The following NFKBID variants were observed in gnomAD, a reference collection of about 807,000 sequenced individuals.
The protein encoded by NFKBID is NFKB inhibitor delta.
In NFKBID, 26 loss-of-function variants were observed where a neutral mutation model predicts 53.4. That is an observed-to-expected ratio of 0.49 (90% CI 0.36 to 0.68). The LOEUF (loss-of-function observed/expected upper bound fraction) is 0.68, where lower values mean the gene tolerates loss of function less well. Ranked by LOEUF, NFKBID falls within the 30% of genes least tolerant of loss-of-function variation. The pLI is 0.00. For missense variants in NFKBID, 493 were observed against 614.1 expected (o/e 0.80, Z 2.08); for synonymous variants, 262 against 259.8 (o/e 1.01, Z -0.08).
At chr19:35,889,808 C>T (rs187746625) in intron 11 of NFKBID, 82 bp downstream of exon 11, 9 of 1,379,318 alleles carry the variant, frequency 6.5e-6, no homozygotes, top group Admixed American at 6.3e-5. Context: ...TCTCTGAAAG[C>T]GAGCATTGGG....
intron 9 of NFKBID, among the ~76,000 whole-genome samples, chr19:35,895,530 G>A (rs933726499): frequency 2.1e-5 from 3 of 144,638 alleles, no homozygotes; most frequent in African/African-American, 2.6e-5. Context: ...TGCTGGGCGC[G>A]GTGGCTCACG....
upstream of NFKBID, chr19:35,900,708 A>T: frequency 8.7e-7 from 1 of 1,145,318 alleles, no homozygotes; most frequent in Non-Finnish European, 1.1e-6. Flanking sequence ...TCCCCCCGGG[A>T]AGGAGGGAGC....
At chr19:35,890,256 T>A in intron 10 of NFKBID, 118 bp downstream of exon 10, 1 of 861,590 alleles carries the variant, frequency 1.2e-6, no homozygotes, top group South Asian at 1.5e-5. Flanking sequence ...TCCTATACTT[T>A]CCCCTGCAGA....
In NFKBID at chr19:35,892,883, T is replaced by A. The variant is rs190874898; in HGVS notation, c.1033-2393A>T. On this transcript the variant is annotated intron_variant, in intron 9 of 11. Coordinates refer to ENST00000641389, the Ensembl canonical transcript of NFKBID. Reference sequence around the variant, plus strand: ...TCTTTTCTTATTAAAACATTATAGGTAGCTGGGCACAGCAGCTCACGCCTG... The same window carrying A: ...TCTTTTCTTATTAAAACATTATAGGAAGCTGGGCACAGCAGCTCACGCCTG... 3.8e-3 allele frequency among the ~76,000 whole-genome samples: 574 copies of A among 152,290 alleles called. 1 individual carries two copies. Among genetic ancestry groups the A allele is most frequent in the Non-Finnish European group, 6.6e-3 (450 of 68,022 alleles).
At chr19:35,895,898 C>A in intron 9 of NFKBID, 82 bp downstream of exon 9, 1 of 1,333,922 alleles carries the variant, frequency 7.5e-7, no homozygotes, top group Non-Finnish European at 1.1e-6. Context: ...GCAAAGTCAG[C>A]ATTTGCCTGG....
chr19:35,901,945 T>C, upstream of NFKBID: 1 of 535,360 alleles, frequency 1.9e-6, no homozygotes, highest in Non-Finnish European at 3.3e-6. Flanking sequence ...TCTTCCCCCA[T>C]TCAGTGTGTG....
rs765614920 is a variant in NFKBID, at chr19:35,896,465, G to T, written c.758C>A (p.Pro253His). ...ACGTCCCTGATGGTCAGCGGCATTG[G>T]GCTCTGCTCCCAGGTTCAACAGATC... The change falls in exon 7 of 12, where the codon CCC (proline) becomes CAC (histidine). Residue 253 changes from proline (P) to histidine (H), a missense_variant. Pro to His is a moderately conservative substitution (Grantham distance 77). Around this residue, in one of 2 missense-constraint regions of NFKBID, gnomAD observed 267 missense variants for 384.6 expected, o/e 0.69. Coordinates refer to ENST00000641389, the Ensembl canonical transcript of NFKBID. The surrounding 1 kb of genome is among the most constrained non-coding windows in gnomAD (Gnocchi z 5.7). 4.3e-6 allele frequency: 7 copies of T among 1,614,154 alleles called. No homozygotes were observed. Among genetic ancestry groups the T allele is most frequent in the Non-Finnish European group, 5.9e-6 (7 of 1,180,026 alleles).
At chr19:35,888,520 TGG>T in exon 12 of NFKBID, 1 of 1,460,646 alleles carries the variant, frequency 6.8e-7, no homozygotes. Context: ...CGCAGGACGG[TGG>T]GGACTGGAAA....
chr19:35,897,272 G>A (rs745331216), intron 4 of NFKBID, among the ~76,000 whole-genome samples: 2 of 148,028 alleles, frequency 1.4e-5, no homozygotes, highest in Admixed American at 6.7e-5. Context: ...TTTTTTTTTC[G>A]GTGACAGAGT....
At position 35,896,505 on chromosome 19, in the gene NFKBID, G is replaced by A. The variant is rs879250463; in HGVS notation, c.718C>T (p.Pro240Ser). 1 of 1,614,078 alleles carries A rather than the reference G, an allele frequency of 6.2e-7. No homozygotes were observed. ...TTCAACAGATCCTCCACAATCAGGG[G>A]CTGGTTGGCAGCAGCCGCCACCAGG... The change falls in exon 7 of 12, where the codon CCC becomes TCC. Residue 240 changes from proline (P) to serine (S), a missense_variant. Pro to Ser is a moderately conservative substitution (Grantham distance 74). Transcript: ENST00000641389. The surrounding 1 kb of genome is among the most constrained non-coding windows in gnomAD (Gnocchi z 5.7).
intron 4 of NFKBID, 43 bp downstream of exon 4, chr19:35,897,608 T>C: frequency 9.8e-7 from 1 of 1,017,012 alleles, no homozygotes; most frequent in Non-Finnish European, 1.6e-6. Flanking sequence ...AACTGCGAAT[T>C]TTTAGGGGCC....
At chr19:35,889,158 C>T (rs1482030279) in intron 11 of NFKBID, among the ~76,000 whole-genome samples, 2 of 150,466 alleles carry the variant, frequency 1.3e-5, no homozygotes, top group Non-Finnish European at 3.0e-5. Flanking sequence ...TGAGATCAAC[C>T]TGGACAACAT....
At chr19:35,888,733 G>A (rs1244696447) in intron 11 of NFKBID, 121 bp from the exon 12 acceptor site, 7 of 732,866 alleles carry the variant, frequency 9.6e-6, no homozygotes, top group South Asian at 1.6e-5. Context: ...TGGATTTGAA[G>A]ATCAGAGGTC....
At chr19:35,889,368 T>C (rs549376971) in intron 11 of NFKBID, among the ~76,000 whole-genome samples, 17 of 151,402 alleles carry the variant, frequency 1.1e-4, no homozygotes, top group African/African-American at 3.6e-4. Flanking sequence ...AATAAATAAA[T>C]AAACAAACAA....
chr19:35,897,952 G>C, intron 3 of NFKBID, 96 bp from the exon 4 acceptor site: 5 of 804,550 alleles, frequency 6.2e-6, no homozygotes, highest in East Asian at 2.7e-5. Context: ...AAGGTACTGA[G>C]AGTTAGTACT....
Position 35,890,058 on chromosome 19 carries a change from G to C in NFKBID, c.1150-4C>G. The C allele has an allele frequency of 6.3e-7, 1 of 1,595,774 alleles. No individual in the cohort carries two copies. The highest frequency in any genetic ancestry group is 1.3e-5 in the African/African-American group (1 of 74,930). On this transcript the variant is annotated splice_region_variant and splice_polypyrimidine_tract_variant and intron_variant, in intron 10 of 11. Transcript: ENST00000641389. Reference sequence around the variant, plus strand: ...GGAGGGCTGTGTTCCCGTGGGCCTGGAAAAGTAAGGGGAGGGCTGGTGGGG... The same window carrying C: ...GGAGGGCTGTGTTCCCGTGGGCCTGCAAAAGTAAGGGGAGGGCTGGTGGGG...
intron 2 of NFKBID, 28 bp from the exon 3 acceptor site, chr19:35,898,560 C>T (rs888566231): frequency 1.3e-6 from 2 of 1,512,628 alleles, no homozygotes; most frequent in African/African-American, 2.8e-5. Context: ...AAAAGGAACC[C>T]AGGTGACTTT....
chr19:35,888,579 G>T (rs1398076302), exon 12 of NFKBID: 1 of 1,571,734 alleles, frequency 6.4e-7, no homozygotes, highest in Non-Finnish European at 8.6e-7. Flanking sequence ...AGGCCTGGCG[G>T]CGCCACACGG....
chr19:35,895,898 C>T, intron 9 of NFKBID, 82 bp downstream of exon 9: 2 of 1,333,922 alleles, frequency 1.5e-6, no homozygotes, highest in Non-Finnish European at 2.1e-6. Flanking sequence ...GCAAAGTCAG[C>T]ATTTGCCTGG....
Sources: allele counts gnomAD v4.1 joint callset (sites outside exome capture counted in the v4.1 genomes callset), GRCh38; gene constraint gnomAD v4.1.1; regional missense constraint gnomAD v4.1.1; non-coding constraint Gnocchi (gnomAD v3.1); transcripts MANE v1.5; gene names NCBI Gene and HGNC (gene_info 2026-07-23, HGNC 2026-07-21).